GDPD3: variants seen among roughly 807,000 people sequenced by gnomAD.
The protein encoded by GDPD3 is lysophospholipase D GDPD3.
A neutral mutation model predicts 43.7 loss-of-function variants in GDPD3; 40 were observed. That is an observed-to-expected ratio of 0.91 (90% confidence interval 0.71 to 1.19). GDPD3 has a LOEUF of 1.19. Among genes scored for constraint, GDPD3 ranks in the 50% most tolerant of loss-of-function variants. The pLI is 0.00. For synonymous variants in GDPD3, 145 were observed against 162.9 expected (o/e 0.89, Z 0.84); for missense variants, 363 against 415.8 (o/e 0.87, Z 1.11).
intron 6 of GDPD3, 193 bp from the exon 7 acceptor site, chr16:30,111,714 C>T: frequency 1.7e-6 from 1 of 602,154 alleles, no homozygotes; most frequent in South Asian, 2.0e-5. Flanking sequence ...AGGTGGATCA[C>T]CTGAGATCAG....
Position 30,104,996 on chromosome 16 carries a change from C to T in GDPD3, c.833G>A (p.Cys278Tyr), listed in dbSNP as rs200682500. 1 of 1,609,354 alleles carries T rather than the reference C, an allele frequency of 6.2e-7. No individual in the cohort carries two copies. Among genetic ancestry groups the T allele is most frequent in the East Asian group, 2.2e-5 (1 of 44,812 alleles). Residue 278 changes from cysteine (C) to tyrosine (Y), a missense_variant, in exon 10 of 10, where the codon TGC (cysteine) becomes TAC (tyrosine). By Grantham distance (194) the Cys-to-Tyr change is radical (BLOSUM62 -2). Transcript: ENST00000406256. ...EERGVQVVFW[C>Y]LNEESDFEAA... ...TTCAAAATCCGACTCTTCATTAAGG[C>T]ACCAAAAGACCACCTGAGCAGGGAG...
rs2072844434 is a variant in GDPD3, at chr16:30,104,848, CAG to C, written c.*22_*23del. On this transcript the variant is annotated 3_prime_UTR_variant, in exon 10 of 10. Coordinates refer to ENST00000406256, the MANE Select transcript of GDPD3 (RefSeq NM_024307.3). ...AATATTTATTTTTCAGGAAGAGAAA[CAG>C]GAGACCTCGAGGCTTCTGGACTTAG... 1 of 1,609,524 alleles carries C rather than the reference CAG, an allele frequency of 6.2e-7. No individual in the cohort carries two copies.
In GDPD3 at chr16:30,112,264, T is replaced by A; in HGVS notation, c.483+42A>T. 2 of 1,612,932 alleles carry A rather than the reference T, an allele frequency of 1.2e-6. No homozygotes were observed. The highest frequency in any genetic ancestry group is 1.7e-6 in the Non-Finnish European group (2 of 1,178,874). On this transcript the variant is annotated intron_variant, in intron 5 of 9. Transcript: ENST00000406256. This position sits in a 1 kb window ranked among gnomAD's most constrained non-coding sequence, Gnocchi z 5.4. ...AGGTGAAGGGAGAGCCAGGCCTCTC[T>A]CACGCCCCCGGTGGCCGCCCTAGCC...
In GDPD3 at chr16:30,113,408, C is replaced by A. The variant is rs1011410926; in HGVS notation, c.71G>T (p.Arg24Leu). 14 of 1,612,006 alleles carry A rather than the reference C, an allele frequency of 8.7e-6. No homozygotes were observed. Among genetic ancestry groups the A allele is most frequent in the African/African-American group, 1.3e-5 (1 of 74,872 alleles). The part of the protein sequence containing the change: ...SYAMLSIFFL[R>L]RPHLLHTPRA... ...GGGCGTGTGCAGCAGATGAGGCCGGCGCAGGAAGAAGATGGAGAGCATGGC... is the reference window on the plus strand; with the variant it reads ...GGGCGTGTGCAGCAGATGAGGCCGGAGCAGGAAGAAGATGGAGAGCATGGC... The change falls in exon 1 of 10, where the codon CGC (arginine) becomes CTC (leucine). Residue 24 changes from arginine (R) to leucine (L), a missense_variant. Transcript: ENST00000406256. This position sits in a 1 kb window ranked among gnomAD's most constrained non-coding sequence, Gnocchi z 5.9.
rs767727591 is a variant in GDPD3, at chr16:30,112,471, G to A, written c.365-47C>T. On this transcript the variant is annotated intron_variant, in intron 4 of 9. Coordinates refer to ENST00000406256, the MANE Select transcript of GDPD3 (RefSeq NM_024307.3). The surrounding 1 kb of genome is among the most constrained non-coding windows in gnomAD (Gnocchi z 5.4). ...GGGTCAGAGGGAAGCCAAGGCGGAG[G>A]TCCAAGGAAGGCAGGCATGGCCCAG... 2.5e-6 allele frequency: 4 copies of A among 1,613,810 alleles called. No individual in the cohort carries two copies. The highest frequency in any genetic ancestry group is 3.4e-6 in the Non-Finnish European group (4 of 1,179,682).
Position 30,105,009 on chromosome 16 carries a change from C to T in GDPD3, c.820G>A (p.Val274Met), listed in dbSNP as rs200681108. 370 of 1,604,560 alleles carry T rather than the reference C, an allele frequency of 2.3e-4. No individual in the cohort carries two copies. Among genetic ancestry groups the T allele is most frequent in the Non-Finnish European group, 2.9e-4 (346 of 1,176,176 alleles). ...IRHLEERGVQ[V>M]VFWCLNEESD... ...TCTTCATTAAGGCACCAAAAGACCA[C>T]CTGAGCAGGGAGGGAGGGGGCCTGT... Residue 274 changes from valine (V) to methionine (M), a missense_variant and splice_region_variant, in exon 10 of 10, where the codon GTG (valine) becomes ATG (methionine). Val to Met is a conservative substitution (Grantham distance 21). Transcript: ENST00000406256.
chr16:30,108,019 A>C (rs2072872021), intron 9 of GDPD3, 194 bp downstream of exon 9: 6 of 530,212 alleles, frequency 1.1e-5, no homozygotes, highest in South Asian at 2.3e-5. Flanking sequence ...ACACACACAG[A>C]AGAAGAAAAT....
chr16:30,105,649 T>G (rs933438396), intron 9 of GDPD3, among the ~76,000 whole-genome samples: 2 of 150,542 alleles, frequency 1.3e-5, no homozygotes, highest in South Asian at 2.1e-4. Context: ...GGACTACAGA[T>G]GTCCGCCACC....
In GDPD3 at chr16:30,109,115, C is replaced by A. The variant is rs559330991; in HGVS notation, c.708-683G>T. 3.9e-5 allele frequency among the ~76,000 whole-genome samples: 6 copies of A among 152,234 alleles called. No homozygotes were observed. The East Asian group carries it at 5.8e-4, about 15-fold the overall frequency. ...AAAGTGCTGGGATTACAGGCGTGAGCCACCGTGCCCGGCCATTAAAAAATT... is the reference window on the plus strand; with the variant it reads ...AAAGTGCTGGGATTACAGGCGTGAGACACCGTGCCCGGCCATTAAAAAATT... On this transcript the variant is annotated intron_variant, in intron 7 of 9. Transcript: ENST00000406256.
chr16:30,108,986 C>T (rs1204800125), intron 7 of GDPD3, among the ~76,000 whole-genome samples: 4 of 151,338 alleles, frequency 2.6e-5, no homozygotes, highest in East Asian at 2.1e-4. Context: ...TGCCCGCCAC[C>T]ACGCCTGCTA....
rs541110111 is a variant in GDPD3 at position 30,108,160 on chromosome 16, C to T, written c.819+53G>A. On this transcript the variant is annotated intron_variant, in intron 9 of 9. Coordinates refer to ENST00000406256, the MANE Select transcript of GDPD3 (RefSeq NM_024307.3). ...CAGCTAGTTGGCAGCAGAGTGGGAC[C>T]GGAACCCTGCTGCCAGGTCTGTGTG... The T allele has an allele frequency of 6.8e-5, 101 of 1,494,632 alleles. No individual in the cohort carries two copies. In the African/African-American group the frequency reaches 7.1e-4, roughly 10 times the overall value. 92.6% of individuals were successfully genotyped at this position (1,494,632 alleles called of 1,614,324 possible).
In GDPD3 at chr16:30,104,816, A is replaced by G; in HGVS notation, c.*56T>C. The stretch of plus-strand genomic sequence containing the variant: ...CACCCTCAGCACAACGATGTGATCG[A>G]AAGGCAAATATTTATTTTTCAGGAA... On this transcript the variant is annotated 3_prime_UTR_variant, in exon 10 of 10. Transcript: ENST00000406256. 6.4e-7 allele frequency: 1 copy of G among 1,574,562 alleles called. No individual in the cohort carries two copies. The highest frequency in any genetic ancestry group is 8.7e-7 in the Non-Finnish European group (1 of 1,147,382).
Position 30,112,604 on chromosome 16 carries a change from C to A in GDPD3, c.319-36G>T, listed in dbSNP as rs2072911200. 1.2e-6 allele frequency: 2 copies of A among 1,614,002 alleles called. No homozygotes were observed. Among genetic ancestry groups the A allele is most frequent in the Non-Finnish European group, 1.7e-6 (2 of 1,179,958 alleles). On this transcript the variant is annotated intron_variant, in intron 3 of 9. Coordinates refer to ENST00000406256, the MANE Select transcript of GDPD3 (RefSeq NM_024307.3). This position sits in a 1 kb window ranked among gnomAD's most constrained non-coding sequence, Gnocchi z 5.4. ...CAGGAAGGATGTCACTAGAGGCCCG[C>A]ATTGGGCATGGTGACTCTCAGGGTG...
chr16:30,108,836 A>AT (rs983216830), intron 7 of GDPD3, among the ~76,000 whole-genome samples: 137 of 146,070 alleles, frequency 9.4e-4, no homozygotes, highest in Middle Eastern at 3.6e-3. Flanking sequence ...ATTTAAATTA[A>AT]TTTTTTTTTT....
intron 7 of GDPD3, 28 bp from the exon 8 acceptor site, chr16:30,108,460 C>G (rs754467760): frequency 6.2e-7 from 1 of 1,608,306 alleles, no homozygotes; most frequent in Non-Finnish European, 8.5e-7. Flanking sequence ...TGGGGGTTAG[C>G]TCCTAGGGTC....
chr16:30,108,317 A>C (rs1238827294), intron 8 of GDPD3, 53 bp from the exon 9 acceptor site: 2 of 1,612,578 alleles, frequency 1.2e-6, no homozygotes, highest in African/African-American at 2.7e-5. Flanking sequence ...ACCTGGGAGA[A>C]GGGCAGCAGT....
chr16:30,108,981 G>A (rs368367525), intron 7 of GDPD3, among the ~76,000 whole-genome samples: 84 of 151,598 alleles, frequency 5.5e-4, no homozygotes, highest in East Asian at 5.0e-3. Context: ...ACAGGTGCCC[G>A]CCACCACGCC....
At position 30,113,211 on chromosome 16, in the gene GDPD3, G is replaced by T. The variant is rs1490351416; in HGVS notation, c.139+129C>A. 1 of 1,394,930 alleles carries T rather than the reference G, an allele frequency of 7.2e-7. No homozygotes were observed. The highest frequency in any genetic ancestry group is 9.8e-7 in the Non-Finnish European group (1 of 1,018,424). The allele number at this position is 1,394,930 out of a possible 1,614,324, so 86.4% of individuals were successfully genotyped here. On this transcript the variant is annotated intron_variant, in intron 1 of 9. Transcript: ENST00000406256. This position sits in a 1 kb window ranked among gnomAD's most constrained non-coding sequence, Gnocchi z 5.9. ...AGGCTGCGCCAGCATCTTCTTCCTCGTCCACACCCTGCCCTGCCACTTCGC... is the reference window on the plus strand; with the variant it reads ...AGGCTGCGCCAGCATCTTCTTCCTCTTCCACACCCTGCCCTGCCACTTCGC...
rs1207290895 is a variant in GDPD3, at chr16:30,111,862, G to A, written c.573+270C>T. On this transcript the variant is annotated intron_variant, in intron 6 of 9. Transcript: ENST00000406256. The stretch of plus-strand genomic sequence containing the variant: ...GCATGAGAATCGCTTGAACCCAGGA[G>A]GCAGAGGTTGCAGTGAGCCGAGGTC... 5.4e-6 allele frequency: 3 copies of A among 553,472 alleles called. No individual in the cohort carries two copies. In the East Asian group the frequency reaches 9.5e-5, roughly 18 times the overall value. 34.3% of individuals were successfully genotyped at this position (553,472 alleles called of 1,614,324 possible).
Sources: allele counts gnomAD v4.1 joint callset (sites outside exome capture counted in the v4.1 genomes callset), GRCh38; gene constraint gnomAD v4.1.1; non-coding constraint Gnocchi (gnomAD v3.1); transcripts MANE v1.5; gene names NCBI Gene and HGNC (gene_info 2026-07-23, HGNC 2026-07-21).